RAD17: variants seen among roughly 807,000 people sequenced by gnomAD.
The protein encoded by RAD17 is RAD17 checkpoint clamp loader component.
RAD17 carries 31 observed loss-of-function variants against 81.5 expected under a neutral mutation model. That is an observed-to-expected ratio of 0.38 (90% CI 0.29 to 0.51). The LOEUF (loss-of-function observed/expected upper bound fraction) is 0.51, where lower values mean the gene tolerates loss of function less well. Among genes scored for constraint, RAD17 ranks in the 20% least tolerant of loss-of-function variants. RAD17 has a pLI of 0.88. For missense variants in RAD17, 681 were observed against 781.2 expected (o/e 0.87, Z 1.53); for synonymous variants, 261 against 266.2 (o/e 0.98, Z 0.19).
chr5:69,394,510 C>G (rs1045305022), intron 15 of RAD17, among the ~76,000 whole-genome samples: 11 of 152,044 alleles, frequency 7.2e-5, no homozygotes, highest in African/African-American at 2.7e-4. Flanking sequence ...AACTATTTAC[C>G]ATAAAATTTG....
intron 17 of RAD17, among the ~76,000 whole-genome samples, chr5:69,407,148 G>A (rs1051765379): frequency 1.3e-5 from 2 of 151,572 alleles, no homozygotes; most frequent in African/African-American, 4.9e-5. Context: ...AATTACAGGC[G>A]CATACCACCA....
intron 17 of RAD17, among the ~76,000 whole-genome samples, chr5:69,407,292 A>G (rs2583708): frequency 6.6e-6 from 1 of 152,104 alleles, no homozygotes; most frequent in Non-Finnish European, 1.5e-5. Flanking sequence ...TTAAGTATCC[A>G]AAGGTCCTCA....
intron 16 of RAD17, 27 bp from the exon 17 acceptor site, chr5:69,400,022 C>A: frequency 1.4e-6 from 2 of 1,467,196 alleles, no homozygotes; most frequent in Non-Finnish European, 1.8e-6. Flanking sequence ...TTTTTCCTTT[C>A]ATCTTTTTTT....
chr5:69,392,765 C>G (rs1022524132), intron 13 of RAD17: 3 of 444,880 alleles, frequency 6.7e-6, no homozygotes, highest in African/African-American at 2.0e-5. Flanking sequence ...TCGTCTCTTG[C>G]ATTAGTGAAT....
intron 7 of RAD17, among the ~76,000 whole-genome samples, chr5:69,383,120 C>T (rs899640528): frequency 5.3e-5 from 8 of 152,170 alleles, no homozygotes; most frequent in African/African-American, 1.7e-4. Flanking sequence ...GTTATAAGTT[C>T]ATGCATATGC....
At chr5:69,408,506 C>CTTTTTTTTTTTTT (rs913594965) in intron 17 of RAD17, among the ~76,000 whole-genome samples, 1 of 88,452 alleles carries the variant, frequency 1.1e-5, no homozygotes, top group African/African-American at 4.5e-5. Context: ...ACCCTAATTA[C>CTTTTTTTTTTTTT]TTTTTTTTTT....
intron 4 of RAD17, among the ~76,000 whole-genome samples, chr5:69,372,640 C>CTCA (rs1365367581): frequency 6.6e-6 from 1 of 151,880 alleles, no homozygotes; most frequent in Admixed American, 6.6e-5. Flanking sequence ...GAGACAGGGT[C>CTCA]TCACTCTGTT....
chr5:69,385,324 A>C (rs1338292271), intron 8 of RAD17, among the ~76,000 whole-genome samples: 1 of 139,810 alleles, frequency 7.2e-6, no homozygotes, highest in Non-Finnish European at 1.5e-5. Flanking sequence ...GCTGGAGTGC[A>C]GTGGTGCAGT....
chr5:69,386,597 C>T (rs1351593746), intron 11 of RAD17, 132 bp downstream of exon 11: 3 of 1,093,688 alleles, frequency 2.7e-6, no homozygotes, highest in Non-Finnish European at 3.5e-6. Flanking sequence ...TAAGGCATGT[C>T]ATTTTAGCAA....
rs936899717 is a variant in RAD17, at chr5:69,371,073, T to G, written c.-378T>G. ...GGTATTTTACTTTTTTGGGAAATAC[T>G]GGAAATGAAGACCTGCAACTGTAAT... On this transcript the variant is annotated 5_prime_UTR_variant, in exon 2 of 19. Coordinates refer to ENST00000354868, the MANE Select transcript of RAD17 (RefSeq NM_133338.3). The G allele has an allele frequency of 9.9e-6, 4 of 402,650 alleles. No homozygotes were observed. The highest frequency in any genetic ancestry group is 6.4e-5 in the African/African-American group (3 of 47,232). The allele number at this position is 402,650 out of a possible 1,614,324, so 24.9% of individuals were successfully genotyped here. A position where few individuals can be genotyped will look rare whatever the true frequency, so the allele number is the denominator to read the frequency against.
chr5:69,369,336 C>T (rs1662221508), upstream of RAD17: 3 of 1,052,048 alleles, frequency 2.9e-6, no homozygotes, highest in South Asian at 4.0e-5. Flanking sequence ...CGCTGACAAC[C>T]GCCTCGTGGC....
chr5:69,400,449 C>T (rs925463831), intron 17 of RAD17, among the ~76,000 whole-genome samples: 64 of 151,926 alleles, frequency 4.2e-4, no homozygotes, highest in Non-Finnish European at 7.8e-4. Context: ...ATCTCCTGAC[C>T]TTGTGATCTG....
chr5:69,369,838 G>T lies in RAD17; in HGVS notation c.-512G>T. The T allele has an allele frequency of 1.1e-6, 1 of 890,218 alleles. No individual in the cohort carries two copies. Among genetic ancestry groups the T allele is most frequent in the Non-Finnish European group, 1.7e-6 (1 of 579,336 alleles). The allele number at this position is 890,218 out of a possible 1,614,324, so 55.1% of individuals were successfully genotyped here. On this transcript the variant is annotated 5_prime_UTR_variant, in exon 1 of 19. Coordinates refer to ENST00000354868, the MANE Select transcript of RAD17 (RefSeq NM_133338.3). ...AGGCCGTACCTCCGAGAGGCTCGGC[G>T]TTGAGCCCGGGTAGGGCCAGGTGGC...
rs767749718 is a variant in RAD17, at chr5:69,384,818, C to T, written c.530C>T (p.Pro177Leu). ...FNTESSFHMFPYQSQIAVFKE... is the reference protein window; with the variant it reads ...FNTESSFHMFLYQSQIAVFKE... ...TCAGAATCAAGCTTCCATATGTTTC[C>T]CTATCAGTCTCAGATAGCAGTTTTC... The change falls in exon 8 of 19, where the codon CCC becomes CTC. Residue 177 changes from proline to leucine, a missense_variant. Transcript: ENST00000354868. 4 of 1,605,866 alleles carry T rather than the reference C, an allele frequency of 2.5e-6. No homozygotes were observed. In the Admixed American group the frequency reaches 6.9e-5, roughly 28 times the overall value.
intron 13 of RAD17, 37 bp downstream of exon 13, chr5:69,392,050 T>C (rs1012144809): frequency 1.4e-6 from 2 of 1,401,868 alleles, no homozygotes; most frequent in African/African-American, 3.0e-5. Flanking sequence ...CTGTTGGATA[T>C]CACATAGTCT....
chr5:69,411,901 C>T (rs1368262509), intron 18 of RAD17, among the ~76,000 whole-genome samples: 1 of 152,112 alleles, frequency 6.6e-6, no homozygotes, highest in Non-Finnish European at 1.5e-5. Context: ...TGAGAATCTT[C>T]ACTATTTTAT....
chr5:69,375,359 C>CA (rs1326504749), intron 6 of RAD17, among the ~76,000 whole-genome samples: 2 of 152,050 alleles, frequency 1.3e-5, no homozygotes, highest in African/African-American at 4.8e-5. Flanking sequence ...TAAATATAGC[C>CA]AAAAACAGTC....
At chr5:69,394,544 A>G (rs1182985426) in intron 15 of RAD17, among the ~76,000 whole-genome samples, 1 of 152,048 alleles carries the variant, frequency 6.6e-6, no homozygotes, top group African/African-American at 2.4e-5. Context: ...ACATCTTAAC[A>G]CTGCCCTTAC....
intron 17 of RAD17, among the ~76,000 whole-genome samples, chr5:69,405,650 G>A (rs1372944770): frequency 6.6e-6 from 1 of 151,520 alleles, no homozygotes; most frequent in African/African-American, 2.4e-5. Flanking sequence ...CTGGCAACAA[G>A]AGCAAAACTC....
Sources: allele counts gnomAD v4.1 joint callset (sites outside exome capture counted in the v4.1 genomes callset), GRCh38; gene constraint gnomAD v4.1.1; transcripts MANE v1.5; gene names NCBI Gene and HGNC (gene_info 2026-07-23, HGNC 2026-07-21).